BMPR1B: variants seen among roughly 807,000 people sequenced by gnomAD.
BMPR1B encodes bone morphogenetic protein receptor type 1B.
A neutral mutation model predicts 59.1 loss-of-function variants in BMPR1B; 12 were observed. The observed-to-expected ratio is 0.20, with a 90% CI of 0.13 to 0.33. The LOEUF (loss-of-function observed/expected upper bound fraction) is 0.33. BMPR1B is among the 10% of genes least tolerant of loss of function. The pLI is 1.00. For missense variants in BMPR1B, 550 were observed against 610.9 expected, an observed-to-expected ratio of 0.90 and a Z score of 1.05; for synonymous variants, 237 against 207.3, an observed-to-expected ratio of 1.14 and a Z score of -1.23.
At chr4:94,866,470 T>C (rs926378846) in intron 1 of BMPR1B, among the ~76,000 whole-genome samples, 1 of 152,200 alleles carries the variant, frequency 6.6e-6, no homozygotes, top group Non-Finnish European at 1.5e-5. Context: ...TTAGCATCTC[T>C]TTTCCCGTCC....
intron 3 of BMPR1B, among the ~76,000 whole-genome samples, chr4:95,042,282 G>T (rs1260736171): frequency 1.3e-5 from 2 of 152,228 alleles, no homozygotes; most frequent in Non-Finnish European, 2.9e-5. Flanking sequence ...ATAAGTGGGA[G>T]AAAATGATTG....
At position 94,797,973 on chromosome 4, in the gene BMPR1B, C is replaced by T. The variant is rs147475354; in HGVS notation, c.-183+39905C>T. Among the ~76,000 whole-genome samples the T allele has an allele frequency of 8.8e-3, 1,341 of 152,284 alleles. 13 individuals are homozygous for T. Among genetic ancestry groups the T allele is most frequent in the Middle Eastern group, 0.065 (19 of 294 alleles). ...AACATGGATCCTGGGAAATAGCTTA[C>T]GGCATATAATGCACTGTTTCTTCAT... is the stretch of plus-strand genomic sequence containing the variant. On this transcript the variant is annotated intron_variant, in intron 1 of 12. Coordinates refer to ENST00000515059, the MANE Select transcript of BMPR1B (RefSeq NM_001203.3).
chr4:94,875,253 AAGTT>A (rs1726674889), intron 1 of BMPR1B, among the ~76,000 whole-genome samples: 1 of 152,206 alleles, frequency 6.6e-6, no homozygotes, highest in South Asian at 2.1e-4. Flanking sequence ...ATTACACCAA[AAGTT>A]AGAACTTTGA....
At chr4:94,971,424 T>C (rs960977942) in intron 2 of BMPR1B, among the ~76,000 whole-genome samples, 2 of 152,154 alleles carry the variant, frequency 1.3e-5, no homozygotes, top group Non-Finnish European at 2.9e-5. Context: ...CTGTCACCCA[T>C]GTCAGTTAAT....
chr4:94,875,218 G>A (rs1330707165), intron 1 of BMPR1B, among the ~76,000 whole-genome samples: 3 of 152,136 alleles, frequency 2.0e-5, no homozygotes, highest in Non-Finnish European at 2.9e-5. Context: ...AGGTGCTATA[G>A]TAAAAAGTTA....
intron 3 of BMPR1B, among the ~76,000 whole-genome samples, chr4:95,008,697 A>C (rs78102463): frequency 0.011 from 1,654 of 152,286 alleles, 39 homozygotes; most frequent in African/African-American, 0.038. Context: ...AACTGTGTTC[A>C]TCAAAGGACA....
intron 1 of BMPR1B, among the ~76,000 whole-genome samples, chr4:94,835,051 T>C (rs182995188): frequency 2.0e-5 from 3 of 152,148 alleles, no homozygotes; most frequent in African/African-American, 4.8e-5. Flanking sequence ...TGGGCTCTTT[T>C]AGGAAGAAAT....
At chr4:94,937,274 T>C (rs1163188002) in intron 2 of BMPR1B, among the ~76,000 whole-genome samples, 1 of 152,150 alleles carries the variant, frequency 6.6e-6, no homozygotes, top group Non-Finnish European at 1.5e-5. Flanking sequence ...GTATCTTTTT[T>C]CTGTGATGTT....
chr4:94,795,945 C>T (rs1723174094), intron 1 of BMPR1B, among the ~76,000 whole-genome samples: 1 of 150,760 alleles, frequency 6.6e-6, no homozygotes, highest in Non-Finnish European at 1.5e-5. Flanking sequence ...TTCAGTCAGG[C>T]CAACTTTACG....
intron 2 of BMPR1B, among the ~76,000 whole-genome samples, chr4:94,876,377 A>T (rs1726732199): frequency 6.6e-6 from 1 of 152,224 alleles, no homozygotes; most frequent in Non-Finnish European, 1.5e-5. Context: ...GGTGGCGTGG[A>T]CTTCAGAGGC....
At chr4:95,045,308 A>C (rs1476754080) in intron 3 of BMPR1B, among the ~76,000 whole-genome samples, 1 of 152,186 alleles carries the variant, frequency 6.6e-6, no homozygotes, top group African/African-American at 2.4e-5. Context: ...AATGAGCTGC[A>C]AGAAGTAGTA....
chr4:94,920,675 C>A (rs1274372138), intron 2 of BMPR1B, among the ~76,000 whole-genome samples: 4 of 152,184 alleles, frequency 2.6e-5, no homozygotes, highest in Non-Finnish European at 5.9e-5. Flanking sequence ...TGCCAAGGAG[C>A]ATAAGCAGAA....
chr4:94,944,368 A>G (rs1729628004), intron 2 of BMPR1B, among the ~76,000 whole-genome samples: 1 of 152,194 alleles, frequency 6.6e-6, no homozygotes, highest in African/African-American at 2.4e-5. Context: ...CTCCTCTTCC[A>G]TATCTGCTTC....
At chr4:94,963,991 T>A (rs1730465020) in intron 2 of BMPR1B, among the ~76,000 whole-genome samples, 1 of 152,136 alleles carries the variant, frequency 6.6e-6, no homozygotes, top group Non-Finnish European at 1.5e-5. Flanking sequence ...ATTTTTTGTA[T>A]TATCTTCAGT....
intron 1 of BMPR1B, among the ~76,000 whole-genome samples, chr4:94,815,025 T>G (rs540629637): frequency 6.6e-6 from 1 of 152,234 alleles, no homozygotes; most frequent in South Asian, 2.1e-4. Context: ...TACCTCAGGC[T>G]TCTGAGTAGC....
chr4:95,147,451 A>G (rs1484665403), intron 10 of BMPR1B, among the ~76,000 whole-genome samples: 1 of 152,154 alleles, frequency 6.6e-6, no homozygotes. Context: ...GTGTTTTGGT[A>G]TTGACTATCT....
chr4:94,845,054 T>C (rs1725262254), intron 1 of BMPR1B, among the ~76,000 whole-genome samples: 1 of 151,094 alleles, frequency 6.6e-6, no homozygotes, highest in South Asian at 2.1e-4. Context: ...TTATCCAATA[T>C]GAAGGGAGCA....
chr4:94,893,945 T>G (rs1403973688), intron 2 of BMPR1B, among the ~76,000 whole-genome samples: 1 of 152,010 alleles, frequency 6.6e-6, no homozygotes, highest in Non-Finnish European at 1.5e-5. Context: ...CCTTGGCAGT[T>G]CTTGAGAAAC....
chr4:94,944,899 C>T (rs1274693637), intron 2 of BMPR1B, among the ~76,000 whole-genome samples: 3 of 152,144 alleles, frequency 2.0e-5, no homozygotes, highest in Non-Finnish European at 4.4e-5. Flanking sequence ...TAACAGACTT[C>T]TTTAAGAATA....
Sources: gnomAD v4.1 joint callset for allele counts (sites outside exome capture counted in the v4.1 genomes callset) on GRCh38, gnomAD v4.1.1 for gene constraint, MANE v1.5 for transcripts, NCBI Gene and HGNC (gene_info 2026-07-23, HGNC 2026-07-21) for gene names.